CYP11A1: variants seen among roughly 807,000 people sequenced by gnomAD.
The protein encoded by CYP11A1 is cholesterol side-chain cleavage enzyme, mitochondrial.
Under a neutral mutation model 51.9 loss-of-function variants are expected in CYP11A1, and 25 were observed. That is an observed-to-expected ratio of 0.48 (90% CI 0.35 to 0.67). The LOEUF is 0.67. Ranked by LOEUF, CYP11A1 falls within the 30% of genes least tolerant of loss-of-function variation. CYP11A1 has a pLI of 0.00. For missense variants in CYP11A1, 578 were observed against 680.9 expected, an observed-to-expected ratio of 0.85 and a Z score of 1.68; for synonymous variants, 245 against 262.1, an observed-to-expected ratio of 0.93 and a Z score of 0.63.
At chr15:74,366,729 T>G (rs1402354402) in intron 1 of CYP11A1, 1 of 152,820 alleles carries the variant, frequency 6.5e-6, no homozygotes, top group East Asian at 1.9e-4. Flanking sequence ...TGTTTTGTTT[T>G]GTTTGAGACA....
Position 74,338,711 on chromosome 15 carries a change from G to C in CYP11A1, c.1294C>G (p.Pro432Ala). The change falls in exon 8 of 9, where the codon CCG (proline) becomes GCG (alanine). Residue 432 changes from proline to alanine, a missense_variant. By Grantham distance (27) the Pro-to-Ala change is conservative (BLOSUM62 -1). Coordinates refer to ENST00000268053, the MANE Select transcript of CYP11A1 (RefSeq NM_000781.3). ...CATCGGGTTGGGTCAAAATTTTCCG[G>C]GTCGAAGAAGAAGGTGGGCTCTCGG... ...LGREPTFFFDPENFDPTRWLS... is the reference protein window; with the variant it reads ...LGREPTFFFDAENFDPTRWLS... 2 of 1,614,146 alleles carry C rather than the reference G, an allele frequency of 1.2e-6. No homozygotes were observed. Among genetic ancestry groups the C allele is most frequent in the Non-Finnish European group, 1.7e-6 (2 of 1,180,022 alleles).
chr15:74,359,126 C>T (rs1402919151), intron 1 of CYP11A1, among the ~76,000 whole-genome samples: 1 of 152,180 alleles, frequency 6.6e-6, no homozygotes, highest in Non-Finnish European at 1.5e-5. Context: ...TCAGTTCATA[C>T]AAAATTGCAT....
chr15:74,337,810 C>T lies in CYP11A1; in HGVS notation c.*162G>A. The stretch of plus-strand genomic sequence containing the variant: ...CCATGGGGTGGGTGAAGAGGAGTGG[C>T]CCAGCTGAGCTGAGGAAGGTGACCA... On this transcript the variant is annotated 3_prime_UTR_variant, in exon 9 of 9. Coordinates refer to ENST00000268053, the MANE Select transcript of CYP11A1 (RefSeq NM_000781.3). 1 of 864,492 alleles carries T rather than the reference C, an allele frequency of 1.2e-6. No individual in the cohort carries two copies. Among genetic ancestry groups the T allele is most frequent in the Non-Finnish European group, 1.9e-6 (1 of 534,498 alleles). 53.6% of individuals were successfully genotyped at this position (864,492 alleles called of 1,614,324 possible).
chr15:74,353,532 C>T (rs558610180), intron 1 of CYP11A1, among the ~76,000 whole-genome samples: 23 of 152,126 alleles, frequency 1.5e-4, no homozygotes, highest in East Asian at 5.8e-4. Flanking sequence ...ATTGGTCATA[C>T]GCCTAAAGTG....
chr15:74,360,669 G>A (rs766679992), intron 1 of CYP11A1, among the ~76,000 whole-genome samples: 4 of 151,894 alleles, frequency 2.6e-5, no homozygotes, highest in Admixed American at 6.6e-5. Flanking sequence ...TGGGGAGGCC[G>A]AGGCAGGTGG....
At position 74,345,996 on chromosome 15, in the gene CYP11A1, T is replaced by A. The variant is rs1377608931; in HGVS notation, c.426-753A>T. On this transcript the variant is annotated intron_variant, in intron 2 of 8. Coordinates refer to ENST00000268053, the MANE Select transcript of CYP11A1 (RefSeq NM_000781.3). This position sits in a 1 kb window ranked among gnomAD's most constrained non-coding sequence, Gnocchi z 4.3. Reference sequence around the variant, plus strand: ...TTGCTCTCATTTGTGTCTAATTTTATCTGATCTCCATTTATTCCCAAAAGG... The same window carrying A: ...TTGCTCTCATTTGTGTCTAATTTTAACTGATCTCCATTTATTCCCAAAAGG... Among the ~76,000 whole-genome samples the A allele has an allele frequency of 1.3e-5, 2 of 152,212 alleles. No individual in the cohort carries two copies. The highest frequency in any genetic ancestry group is 2.9e-5 in the Non-Finnish European group (2 of 68,042).
At position 74,343,929 on chromosome 15, in the gene CYP11A1, G is replaced by A. The variant is rs1567052760; in HGVS notation, c.689C>T (p.Ala230Val). The A allele has an allele frequency of 6.2e-7, 1 of 1,614,124 alleles. No homozygotes were observed. Among genetic ancestry groups the A allele is most frequent in the Non-Finnish European group, 8.5e-7 (1 of 1,180,030 alleles). Residue 230 changes from alanine (A) to valine (V), a missense_variant, in exon 4 of 9, where the codon GCC becomes GTC. Transcript: ENST00000268053. ...GTAGATGGCATCAATGAATCGCTGG[G>A]CCTCGGGGTTCACTACTTCCTCCAG... ...GMLEEVVNPE[A>V]QRFIDAIYQM...
intron 1 of CYP11A1, chr15:74,365,748 G>A (rs998878602): frequency 7.1e-5 from 70 of 985,406 alleles, no homozygotes; most frequent in Non-Finnish European, 8.0e-5. Flanking sequence ...CGGTGGGCTC[G>A]GGTGAGCTCG....
intron 1 of CYP11A1, among the ~76,000 whole-genome samples, chr15:74,352,681 A>G (rs952383555): frequency 3.3e-5 from 5 of 152,176 alleles, no homozygotes; most frequent in African/African-American, 1.2e-4. Context: ...TGGAAAGGCT[A>G]ATCAGAAACT....
At chr15:74,338,813 C>T in intron 7 of CYP11A1, 45 bp from the exon 8 acceptor site, 1 of 1,568,980 alleles carries the variant, frequency 6.4e-7, no homozygotes, top group Non-Finnish European at 8.7e-7. Context: ...CACTTCCCCA[C>T]AGCCCTGAGC....
At position 74,337,939 on chromosome 15, in the gene CYP11A1, T is replaced by G; in HGVS notation, c.*33A>C. ...CCCCATGGGCCCCACCCCTGGGCCTTCCTCCCATGTGGCTGCAGGCCATCC... is the reference window on the plus strand; with the variant it reads ...CCCCATGGGCCCCACCCCTGGGCCTGCCTCCCATGTGGCTGCAGGCCATCC... On this transcript the variant is annotated 3_prime_UTR_variant, in exon 9 of 9. Coordinates refer to ENST00000268053, the MANE Select transcript of CYP11A1 (RefSeq NM_000781.3). The G allele has an allele frequency of 6.2e-7, 1 of 1,612,946 alleles. No individual in the cohort carries two copies. Among genetic ancestry groups the G allele is most frequent in the East Asian group, 2.2e-5 (1 of 44,854 alleles).
chr15:74,365,778 GGCAGAGGCCA>G (rs1488637195), intron 1 of CYP11A1: 2 of 985,462 alleles, frequency 2.0e-6, no homozygotes, highest in Admixed American at 6.1e-5. Context: ...AGCGAGCGAG[GGCAGAGGCCA>G]GCAGAGGCGA....
At chr15:74,352,419 G>A (rs1468094762) in intron 1 of CYP11A1, among the ~76,000 whole-genome samples, 8 of 151,864 alleles carry the variant, frequency 5.3e-5, no homozygotes, top group East Asian at 3.9e-4. Context: ...ACAGGCACAC[G>A]CCACCACGCC....
In CYP11A1 at chr15:74,340,643, G is replaced by A. The variant is rs368399463; in HGVS notation, c.991-890C>T. ...CTAAGCTGTTTACATATGTTACCTCGTTTAATACTCACAAACAAACCTCTA... is the reference window on the plus strand; with the variant it reads ...CTAAGCTGTTTACATATGTTACCTCATTTAATACTCACAAACAAACCTCTA... On this transcript the variant is annotated intron_variant, in intron 5 of 8. Transcript: ENST00000268053. Among the ~76,000 whole-genome samples the A allele has an allele frequency of 2.0e-4, 31 of 152,178 alleles. 1 individual carries two copies. The highest frequency in any genetic ancestry group is 6.5e-4 in the African/African-American group (27 of 41,512).
At position 74,367,476 on chromosome 15, in the gene CYP11A1, C is replaced by T. The variant is rs750566795; in HGVS notation, c.110G>A (p.Gly37Glu). The T allele has an allele frequency of 5.0e-6, 8 of 1,614,230 alleles. No homozygotes were observed. Among genetic ancestry groups the T allele is most frequent in the South Asian group, 1.1e-5 (1 of 91,088 alleles). ...AGGACTGCGGGTGGAGATGCCAGCT[C>T]CCTCGCCAGTGGGCACCCTGAGACG... ...LGRLRVPTGEGAGISTRSPRP... is the reference protein window; with the variant it reads ...LGRLRVPTGEEAGISTRSPRP... The change falls in exon 1 of 9, where the codon GGA becomes GAA. Residue 37 changes from glycine to glutamate, a missense_variant. Physicochemically the swap from Gly to Glu is moderately conservative, Grantham distance 98. Transcript: ENST00000268053.
At chr15:74,352,816 T>C (rs1479513424) in intron 1 of CYP11A1, among the ~76,000 whole-genome samples, 1 of 152,254 alleles carries the variant, frequency 6.6e-6, no homozygotes, top group Non-Finnish European at 1.5e-5. Context: ...AATTAGTGTC[T>C]CATGTCTCCC....
chr15:74,357,324 G>A (rs1354465386), intron 1 of CYP11A1, among the ~76,000 whole-genome samples: 1 of 152,090 alleles, frequency 6.6e-6, no homozygotes, highest in East Asian at 1.9e-4. Context: ...TTACTTCAGT[G>A]AACCCCAATT....
intron 1 of CYP11A1, 30 bp downstream of exon 1, chr15:74,367,287 C>G: frequency 1.2e-6 from 2 of 1,614,082 alleles, no homozygotes; most frequent in Non-Finnish European, 1.7e-6. Context: ...CCTCCCTGTC[C>G]CTTCGGCTCC....
chr15:74,341,246 A>G (rs1429127261), intron 5 of CYP11A1, among the ~76,000 whole-genome samples: 1 of 152,200 alleles, frequency 6.6e-6, no homozygotes, highest in Non-Finnish European at 1.5e-5. Context: ...TGTGCTTAAT[A>G]AATGTGACCT....
Sources: allele counts gnomAD v4.1 joint callset (sites outside exome capture counted in the v4.1 genomes callset), GRCh38; gene constraint gnomAD v4.1.1; non-coding constraint Gnocchi (gnomAD v3.1); transcripts MANE v1.5; gene names NCBI Gene and HGNC (gene_info 2026-07-23, HGNC 2026-07-21).